The following IL34 variants were observed in gnomAD, a reference collection of about 807,000 sequenced individuals.
IL34 encodes the protein interleukin 34, also known as interleukin-34.
IL34 carries 17 observed loss-of-function variants against 25.3 expected under a neutral mutation model. That is an observed-to-expected ratio of 0.67 (90% CI 0.46 to 1.01). IL34 has a LOEUF of 1.01. IL34 is among the 50% of genes least tolerant of loss of function. IL34 has a pLI of 0.00. For missense variants in IL34, 368 were observed against 312.9 expected, an observed-to-expected ratio of 1.18 and a Z score of -1.33; for synonymous variants, 174 against 140.9, an observed-to-expected ratio of 1.23 and a Z score of -1.66.
At chr16:70,645,914 A>T (rs112991084), upstream of IL34, among the ~76,000 whole-genome samples, 2,749 of 152,178 alleles carry the variant, frequency 0.018, 42 homozygotes, top group African/African-American at 0.044. Context: ...TTAGCCAGGC[A>T]TGGTAGTGCA....
At chr16:70,659,012 C>T (rs1787702850) in intron 4 of IL34, among the ~76,000 whole-genome samples, 1 of 152,144 alleles carries the variant, frequency 6.6e-6, no homozygotes, top group Non-Finnish European at 1.5e-5. Context: ...GGACATGTTG[C>T]CTTGTTGTCA....
intron 1 of IL34, among the ~76,000 whole-genome samples, chr16:70,631,739 G>T (rs1318415121): frequency 1.3e-5 from 2 of 152,142 alleles, no homozygotes; most frequent in Non-Finnish European, 2.9e-5. Flanking sequence ...CTAGAAGCAG[G>T]TATACACTGG....
At chr16:70,644,887 TGGAAGAGGAAGGA>T (rs1422349432), upstream of IL34, among the ~76,000 whole-genome samples, 4 of 44,552 alleles carry the variant, frequency 9.0e-5, no homozygotes, top group Non-Finnish European at 1.4e-4. Context: ...AGGAAGGAGG[TGGAAGAGGAAGGA>T]GGAAGAGGAG....
At chr16:70,617,774 A>C (rs2051196083) in intron 1 of IL34, among the ~76,000 whole-genome samples, 1 of 151,800 alleles carries the variant, frequency 6.6e-6, no homozygotes, top group African/African-American at 2.4e-5. Flanking sequence ...AGCCTGAAAA[A>C]CTGCTTGGCT....
At chr16:70,628,786 C>CTTTTT (rs71387533) in intron 1 of IL34, among the ~76,000 whole-genome samples, 4 of 115,172 alleles carry the variant, frequency 3.5e-5, no homozygotes, top group African/African-American at 6.6e-5. Flanking sequence ...CACACCTGGT[C>CTTTTT]TTTTTTTTTT....
At chr16:70,596,934 A>G (rs886152260) in intron 1 of IL34, among the ~76,000 whole-genome samples, 5 of 151,924 alleles carry the variant, frequency 3.3e-5, no homozygotes, top group Middle Eastern at 3.2e-3. Flanking sequence ...CCAGACCTGT[A>G]CTTGTACCCA....
chr16:70,596,102 C>T (rs747675642), intron 1 of IL34, among the ~76,000 whole-genome samples: 6 of 151,992 alleles, frequency 3.9e-5, no homozygotes, highest in South Asian at 2.1e-4. Context: ...AAGATCAAGG[C>T]GCTGACAGAT....
intron 1 of IL34, among the ~76,000 whole-genome samples, chr16:70,605,321 G>A (rs904129525): frequency 1.3e-5 from 2 of 152,210 alleles, no homozygotes; most frequent in African/African-American, 4.8e-5. Context: ...ACTTCTATGT[G>A]ATTCAAATTT....
intron 1 of IL34, among the ~76,000 whole-genome samples, chr16:70,583,564 G>T (rs1172761318): frequency 6.6e-6 from 1 of 152,142 alleles, no homozygotes; most frequent in Admixed American, 6.5e-5. Flanking sequence ...AAAGAGAGGG[G>T]TTCTCAGGAC....
intron 1 of IL34, among the ~76,000 whole-genome samples, chr16:70,641,158 T>C (rs1446865586): frequency 6.6e-6 from 1 of 152,002 alleles, no homozygotes; most frequent in Non-Finnish European, 1.5e-5. Flanking sequence ...CCTGTAATCA[T>C]AGCTGCTTGG....
At chr16:70,630,997 TG>T (rs1228002847) in intron 1 of IL34, among the ~76,000 whole-genome samples, 1 of 152,230 alleles carries the variant, frequency 6.6e-6, no homozygotes. Context: ...TCCTTTCTTT[TG>T]GGTATATACC....
intron 1 of IL34, among the ~76,000 whole-genome samples, chr16:70,608,190 G>A (rs1426988751): frequency 1.4e-5 from 2 of 146,534 alleles, no homozygotes; most frequent in Non-Finnish European, 3.0e-5. Context: ...GGGCAGTGGT[G>A]TGCTCTCGGC....
rs2050751499 is a variant in IL34 at position 70,591,335 on chromosome 16, G to T, written c.-401+11286G>T. ...GATCCAGTGCCCTCCTTTGTCCCCA[G>T]AGCTGAGGCAGGATGACCACCACGC... On this transcript the variant is annotated intron_variant, in intron 1 of 6. Transcript: ENST00000429149. Among the ~76,000 whole-genome samples, 4 of 152,168 alleles carry T rather than the reference G, an allele frequency of 2.6e-5. No individual in the cohort carries two copies. In the South Asian group the frequency reaches 8.3e-4, roughly 32 times the overall value.
intron 1 of IL34, among the ~76,000 whole-genome samples, chr16:70,623,226 G>A (rs1227973586): frequency 2.6e-5 from 4 of 152,070 alleles, no homozygotes; most frequent in Admixed American, 6.5e-5. Flanking sequence ...AAGTGAAAGC[G>A]AAGAGAGGCT....
At chr16:70,609,531 G>A (rs2051060142) in intron 1 of IL34, among the ~76,000 whole-genome samples, 3 of 151,758 alleles carry the variant, frequency 2.0e-5, no homozygotes, top group Non-Finnish European at 4.4e-5. Flanking sequence ...TAATGTCACT[G>A]TGCAGATCAA....
chr16:70,597,325 A>G (rs1030472555), intron 1 of IL34, among the ~76,000 whole-genome samples: 2 of 151,714 alleles, frequency 1.3e-5, no homozygotes, highest in African/African-American at 4.8e-5. Context: ...GGCTTAAGCG[A>G]TACTCCTGCC....
upstream of IL34, among the ~76,000 whole-genome samples, chr16:70,646,111 T>C (rs1016214212): frequency 6.6e-6 from 1 of 152,132 alleles, no homozygotes; most frequent in African/African-American, 2.4e-5. Context: ...GGTCTTACTA[T>C]GCTGACCAGG....
At chr16:70,626,818 T>A (rs2051404374) in intron 1 of IL34, among the ~76,000 whole-genome samples, 1 of 152,314 alleles carries the variant, frequency 6.6e-6, no homozygotes, top group East Asian at 1.9e-4. Context: ...TCCAGATGAC[T>A]TTTTTCAGCT....
chr16:70,655,853 C>T (rs1047848126), intron 2 of IL34, among the ~76,000 whole-genome samples: 8 of 152,110 alleles, frequency 5.3e-5, no homozygotes, highest in East Asian at 1.9e-4. Flanking sequence ...GGATTACAGG[C>T]GTGAGCCACT....
Sources: gnomAD v4.1 joint callset for allele counts (sites outside exome capture counted in the v4.1 genomes callset) on GRCh38, gnomAD v4.1.1 for gene constraint, MANE v1.5 for transcripts, NCBI Gene and HGNC (gene_info 2026-07-23, HGNC 2026-07-21) for gene names.